The following MYO1E variants were observed in gnomAD, a reference collection of about 807,000 sequenced individuals.
MYO1E encodes the protein unconventional myosin-Ie.
Under a neutral mutation model 151.1 loss-of-function variants are expected in MYO1E, and 68 were observed. The ratio of observed to expected loss-of-function variants is 0.45; its 90% CI spans 0.37 to 0.55. MYO1E has a LOEUF of 0.55. Among genes scored for constraint, MYO1E ranks in the 20% least tolerant of loss-of-function variants. The pLI is 0.00. For synonymous variants in MYO1E, 601 were observed against 501.7 expected, an observed-to-expected ratio of 1.20 and a Z score of -2.64; for missense variants, 1,363 against 1,389.3, an observed-to-expected ratio of 0.98 and a Z score of 0.30.
At chr15:59,204,445 A>G (rs1466191800) in intron 15 of MYO1E, among the ~76,000 whole-genome samples, 2 of 152,254 alleles carry the variant, frequency 1.3e-5, no homozygotes, top group African/African-American at 4.8e-5. Context: ...CTTAACTAAT[A>G]GAGAGCAAAA....
rs1473524994 is a variant in MYO1E, at chr15:59,250,773, A to C, written c.332+5511T>G. 2.0e-5 allele frequency among the ~76,000 whole-genome samples: 3 copies of C among 152,118 alleles called. No individual in the cohort carries two copies. The East Asian group carries it at 5.8e-4, about 29-fold the overall frequency. ...TGGCCCAACTCCAGGTAGCTCCTAA[A>C]TTAAAGCACATCTCCTAAATGAAAA... On this transcript the variant is annotated intron_variant, in intron 4 of 27. Transcript: ENST00000288235.
At chr15:59,338,944 C>T (rs1205386669) in intron 1 of MYO1E, among the ~76,000 whole-genome samples, 1 of 152,204 alleles carries the variant, frequency 6.6e-6, no homozygotes, top group Non-Finnish European at 1.5e-5. Flanking sequence ...CCAGCCTGGC[C>T]AACATGGCGA....
At chr15:59,177,134 G>C (rs144999276) in intron 19 of MYO1E, among the ~76,000 whole-genome samples, 27 of 152,256 alleles carry the variant, frequency 1.8e-4, no homozygotes, top group African/African-American at 6.5e-4. Flanking sequence ...GAAAGAACAG[G>C]AACTGTTCTG....
chr15:59,266,579 C>T (rs1404065099), intron 2 of MYO1E: 1 of 151,994 alleles, frequency 6.6e-6, no homozygotes, highest in African/African-American at 2.4e-5. Flanking sequence ...TTATGTCCTT[C>T]CTACGTTTTT....
At chr15:59,234,154 T>G (rs1390094234) in intron 5 of MYO1E, among the ~76,000 whole-genome samples, 2 of 152,110 alleles carry the variant, frequency 1.3e-5, no homozygotes, top group African/African-American at 4.8e-5. Context: ...TTGCTCTTTC[T>G]CTTTTCCCTG....
chr15:59,288,188 T>C (rs1327177246), intron 1 of MYO1E, among the ~76,000 whole-genome samples: 1 of 152,198 alleles, frequency 6.6e-6, no homozygotes, highest in Non-Finnish European at 1.5e-5. Flanking sequence ...TTTTCTTTTC[T>C]TTTTTGAGAC....
chr15:59,168,606 G>A (rs929270273), intron 22 of MYO1E, among the ~76,000 whole-genome samples: 10 of 151,980 alleles, frequency 6.6e-5, no homozygotes, highest in Non-Finnish European at 1.5e-4. Context: ...ACCAATTCAC[G>A]GATAATCACA....
chr15:59,321,710 T>C (rs532382956), intron 1 of MYO1E, among the ~76,000 whole-genome samples: 75 of 152,076 alleles, frequency 4.9e-4, no homozygotes, highest in Non-Finnish European at 8.4e-4. Context: ...GGGTAAGAAC[T>C]GAAAAACTAG....
intron 1 of MYO1E, among the ~76,000 whole-genome samples, chr15:59,283,272 T>C (rs76762349): frequency 3.3e-5 from 5 of 152,116 alleles, no homozygotes; most frequent in African/African-American, 1.2e-4. Flanking sequence ...CATACCATGC[T>C]GTGCTTTGTT....
intron 4 of MYO1E, among the ~76,000 whole-genome samples, chr15:59,251,232 C>T (rs1050264066): frequency 3.9e-5 from 6 of 152,116 alleles, no homozygotes; most frequent in Admixed American, 1.3e-4. Context: ...TAACTTGCAC[C>T]TGCATCTGAT....
intron 4 of MYO1E, among the ~76,000 whole-genome samples, chr15:59,248,380 G>A (rs1255187003): frequency 6.7e-6 from 1 of 149,780 alleles, no homozygotes; most frequent in Non-Finnish European, 1.5e-5. Context: ...CAGCTACTTG[G>A]GATGCTGAGG....
intron 26 of MYO1E, among the ~76,000 whole-genome samples, chr15:59,138,865 A>C (rs1190391307): frequency 6.6e-6 from 1 of 152,038 alleles, no homozygotes; most frequent in African/African-American, 2.4e-5. Flanking sequence ...CCCCTAGCCA[A>C]TATTTGTGGT....
At chr15:59,365,976 T>C (rs1405597083) in intron 1 of MYO1E, among the ~76,000 whole-genome samples, 1 of 152,178 alleles carries the variant, frequency 6.6e-6, no homozygotes, top group Admixed American at 6.5e-5. Context: ...TTCCCTCTTC[T>C]TCCCTTCTTT....
intron 26 of MYO1E, among the ~76,000 whole-genome samples, chr15:59,143,927 C>A (rs543559520): frequency 5.5e-4 from 84 of 152,332 alleles, no homozygotes; most frequent in African/African-American, 2.0e-3. Flanking sequence ...CATACCCTCT[C>A]CTAGCCCACG....
intron 1 of MYO1E, among the ~76,000 whole-genome samples, chr15:59,304,279 C>T (rs1327263932): frequency 1.3e-5 from 2 of 152,088 alleles, no homozygotes; most frequent in African/African-American, 2.4e-5. Context: ...CACTGCGGCC[C>T]GCCTATTTTC....
At chr15:59,280,016 T>C (rs571878963) in intron 1 of MYO1E, among the ~76,000 whole-genome samples, 1 of 152,364 alleles carries the variant, frequency 6.6e-6, no homozygotes, top group East Asian at 1.9e-4. Context: ...GTGAAAGTCT[T>C]GCTAAGCAGA....
intron 3 of MYO1E, among the ~76,000 whole-genome samples, chr15:59,257,756 C>T (rs2080202090): frequency 2.6e-5 from 4 of 152,004 alleles, no homozygotes. Context: ...CAAGCTATGC[C>T]TAGGACTGGT....
intron 9 of MYO1E, among the ~76,000 whole-genome samples, chr15:59,219,928 C>A (rs556098871): frequency 6.6e-6 from 1 of 152,150 alleles, no homozygotes; most frequent in Admixed American, 6.5e-5. Flanking sequence ...AACTTCTTTG[C>A]GATGTGTGCA....
intron 12 of MYO1E, chr15:59,212,804 T>C (rs898810027): frequency 2.0e-5 from 3 of 152,264 alleles, no homozygotes; most frequent in Admixed American, 2.0e-4. Flanking sequence ...GGTGTCTTCA[T>C]GAAAGAGACG....
Sources: gnomAD v4.1 joint callset for allele counts (sites outside exome capture counted in the v4.1 genomes callset) on GRCh38, gnomAD v4.1.1 for gene constraint, MANE v1.5 for transcripts, NCBI Gene and HGNC (gene_info 2026-07-23, HGNC 2026-07-21) for gene names.